The following PFKL variants were observed in gnomAD, a reference collection of about 807,000 sequenced individuals.
PFKL encodes ATP-dependent 6-phosphofructokinase, liver type.
Under a neutral mutation model 92.1 loss-of-function variants are expected in PFKL, and 74 were observed. That is an observed-to-expected ratio of 0.80 (90% CI 0.67 to 0.97). The LOEUF (loss-of-function observed/expected upper bound fraction) is 0.97. Ranked by LOEUF, PFKL falls within the 50% of genes least tolerant of loss-of-function variation. The probability of loss-of-function intolerance (pLI) is 0.00; values close to 1 mark genes in which losing one functional copy is unlikely to be tolerated. For synonymous variants in PFKL, 494 were observed against 456.4 expected (o/e 1.08, Z -1.05); for missense variants, 1,028 against 1,116.6 (o/e 0.92, Z 1.13).
In PFKL at chr21:44,312,141, T is replaced by A; in HGVS notation, c.274T>A (p.Phe92Ile). The change falls in exon 4 of 22, where the codon TTT becomes ATT. Residue 92 changes from phenylalanine to isoleucine, a missense_variant. Transcript: ENST00000349048. Reference protein sequence around the residue: ...TIIGSARCKAFTTREGRRAAA... With the variant: ...TIIGSARCKAITTREGRRAAA... ...CATTGGCAGCGCTCGCTGCAAGGCC[T>A]TTACCACCAGGGAGGGGCGCCGGGC... is the stretch of plus-strand genomic sequence containing the variant. The A allele has an allele frequency of 6.3e-7, 1 of 1,587,062 alleles. No individual in the cohort carries two copies. Among genetic ancestry groups the A allele is most frequent in the East Asian group, 2.3e-5 (1 of 42,866 alleles).
intron 1 of PFKL, 52 bp from the exon 2 acceptor site, chr21:44,306,629 C>A: frequency 6.7e-7 from 1 of 1,484,832 alleles, no homozygotes; most frequent in South Asian, 1.2e-5. Flanking sequence ...GGAGGGTGTC[C>A]AGGGCCTTGC....
At position 44,311,181 on chromosome 21, in the gene PFKL, C is replaced by T. The variant is rs868466389; in HGVS notation, c.237+98C>T. On this transcript the variant is annotated intron_variant, in intron 3 of 21. Transcript: ENST00000349048. ...ACAGACACACACACAGAGACAGACACGTGCACAAACACACACATGCAGACA... is the reference window on the plus strand; with the variant it reads ...ACAGACACACACACAGAGACAGACATGTGCACAAACACACACATGCAGACA... 99 of 859,584 alleles carry T rather than the reference C, an allele frequency of 1.2e-4. No homozygotes were observed. The Middle Eastern group carries it at 1.5e-3, about 13-fold the overall frequency. The allele number at this position is 859,584 out of a possible 1,614,324, so 53.2% of individuals were successfully genotyped here. A position where few individuals can be genotyped will look rare whatever the true frequency, so the allele number is the denominator to read the frequency against.
chr21:44,319,352 C>T lies in PFKL; in HGVS notation c.1064C>T (p.Thr355Ile). ...RLPLMECVQM[T>I]KEVQKAMDDK... is the part of the protein sequence containing the mutation. Reference sequence around the variant, plus strand: ...TGTGTTCTGTTTCTCTTCCTTAAGACCAAGGAAGTGCAGAAAGCCATGGAT... The same window carrying T: ...TGTGTTCTGTTTCTCTTCCTTAAGATCAAGGAAGTGCAGAAAGCCATGGAT... The change falls in exon 11 of 22, where the codon ACC becomes ATC. Residue 355 changes from threonine to isoleucine, a missense_variant and splice_region_variant. Transcript: ENST00000349048. 2 of 1,612,740 alleles carry T rather than the reference C, an allele frequency of 1.2e-6. No homozygotes were observed. Among genetic ancestry groups the T allele is most frequent in the Non-Finnish European group, 1.7e-6 (2 of 1,178,984 alleles).
At chr21:44,319,045 G>A (rs1455816792) in intron 10 of PFKL, among the ~76,000 whole-genome samples, 1 of 152,154 alleles carries the variant, frequency 6.6e-6, no homozygotes, top group African/African-American at 2.4e-5. Context: ...GGGTGTGGGG[G>A]CTGGTCCAGC....
rs56768770 is a variant in PFKL at position 44,323,063 on chromosome 21, ACGGACGAAAAAGCC to A, written c.1497+16_1497+29del. ...GGTGGGTTTGAGGTGAGAGCTGCCCACGGACGAAAAAGCCCCAGGGCACAGGAGACCCAAGGTGT... is the reference window on the plus strand; with the variant it reads ...GGTGGGTTTGAGGTGAGAGCTGCCCACCAGGGCACAGGAGACCCAAGGTGT... On this transcript the variant is annotated intron_variant, in intron 15 of 21. Coordinates refer to ENST00000349048, the MANE Select transcript of PFKL (RefSeq NM_002626.6). The A allele has an allele frequency of 0.19, 299,726 of 1,604,770 alleles. 29,547 individuals carry two copies. Among genetic ancestry groups the A allele is most frequent in the East Asian group, 0.39 (17,493 of 44,678 alleles).
At chr21:44,305,574 G>T (rs1169432805) in intron 1 of PFKL, among the ~76,000 whole-genome samples, 1 of 152,118 alleles carries the variant, frequency 6.6e-6, no homozygotes, top group Non-Finnish European at 1.5e-5. Context: ...GGTCCCAGGG[G>T]CAAGCACAAA....
rs774545030 is a variant in PFKL, at chr21:44,326,783, G to A, written c.2264G>A (p.Arg755His). Reference sequence around the variant, plus strand: ...ATGCTGAAGATGCTGGCACAATACCGCATCAGTATGGCCGCCTACGTGTCA... The same window carrying A: ...ATGCTGAAGATGCTGGCACAATACCACATCAGTATGGCCGCCTACGTGTCA... ...RLMLKMLAQY[R>H]ISMAAYVSGE... The change falls in exon 22 of 22, where the codon CGC (arginine) becomes CAC (histidine). Residue 755 changes from arginine (R) to histidine (H), a missense_variant. By Grantham distance (29) the Arg-to-His change is conservative. Transcript: ENST00000349048. 2.7e-5 allele frequency: 44 copies of A among 1,610,102 alleles called. No homozygotes were observed. The highest frequency in any genetic ancestry group is 6.7e-5 in the East Asian group (3 of 44,790).
At chr21:44,311,974 CG>C in intron 3 of PFKL, 130 bp from the exon 4 acceptor site, 1 of 670,594 alleles carries the variant, frequency 1.5e-6, no homozygotes, top group Non-Finnish European at 2.3e-6. Context: ...CCAGAGACCC[CG>C]GGGCTTCTGC....
At chr21:44,317,784 T>C (rs77222033) in intron 9 of PFKL, among the ~76,000 whole-genome samples, 1 of 152,222 alleles carries the variant, frequency 6.6e-6, no homozygotes, top group Non-Finnish European at 1.5e-5. Flanking sequence ...TCTCCGAGGC[T>C]GCTCCCTAAA....
intron 19 of PFKL, chr21:44,325,561 A>G (rs2047483104): frequency 1.9e-6 from 1 of 526,786 alleles, no homozygotes; most frequent in Admixed American, 3.2e-5. Context: ...CCTCACCTAG[A>G]TCCCCGCATG....
chr21:44,319,876 G>A, intron 11 of PFKL: 1 of 553,470 alleles, frequency 1.8e-6, no homozygotes. Flanking sequence ...TTGCTGCACG[G>A]GCTGGCGTGG....
At chr21:44,308,559 ATTTTTTTT>A (rs532812261) in intron 2 of PFKL, among the ~76,000 whole-genome samples, 3 of 133,624 alleles carry the variant, frequency 2.2e-5, no homozygotes, top group African/African-American at 8.5e-5. Context: ...GGGGGTAGGA[ATTTTTTTT>A]TTTTTTTTTT....
intron 1 of PFKL, among the ~76,000 whole-genome samples, chr21:44,304,943 C>A (rs1470939970): frequency 6.6e-6 from 1 of 152,116 alleles, no homozygotes; most frequent in Non-Finnish European, 1.5e-5. Context: ...GAGAAGCTGC[C>A]AGTGTGGGCA....
chr21:44,301,866 C>T (rs2040782921), intron 1 of PFKL, among the ~76,000 whole-genome samples: 1 of 151,566 alleles, frequency 6.6e-6, no homozygotes, highest in Non-Finnish European at 1.5e-5. Context: ...GTGGCACGTG[C>T]CCCCCCCACC....
chr21:44,316,618 C>A, intron 9 of PFKL, 94 bp downstream of exon 9: 1 of 906,968 alleles, frequency 1.1e-6, no homozygotes, highest in Non-Finnish European at 1.7e-6. Context: ...ATGGCACGTG[C>A]ACTGTGTCCA....
chr21:44,327,094 C>T lies in PFKL; in HGVS notation c.*232C>T, dbSNP rs996752602. On this transcript the variant is annotated 3_prime_UTR_variant, in exon 22 of 22. Coordinates refer to ENST00000349048, the MANE Select transcript of PFKL (RefSeq NM_002626.6). The stretch of plus-strand genomic sequence containing the variant: ...AGGAGGACAGAGTGCCCTGGGGCAT[C>T]CACCTTCCTGCCCAGGGGACGTGGC... 1.4e-5 allele frequency: 8 copies of T among 574,234 alleles called. No homozygotes were observed. The highest frequency in any genetic ancestry group is 3.0e-5 in the Admixed American group (1 of 33,058). 35.6% of individuals were successfully genotyped at this position (574,234 alleles called of 1,614,324 possible). A position where few individuals can be genotyped will look rare whatever the true frequency, so the allele number is the denominator to read the frequency against.
chr21:44,306,497 C>T (rs11909786), intron 1 of PFKL, among the ~76,000 whole-genome samples, 184 bp from the exon 2 acceptor site: 49,336 of 151,750 alleles, frequency 0.33, 8,400 homozygotes, highest in East Asian at 0.62. Flanking sequence ...GGAGGGCGTC[C>T]GGGCCTTCCC....
intron 1 of PFKL, chr21:44,304,512 G>A: frequency 7.9e-6 from 9 of 1,145,312 alleles, no homozygotes; most frequent in Non-Finnish European, 9.8e-6. Context: ...GAGGGACGGA[G>A]GCTTAGCTTC....
Position 44,312,149 on chromosome 21 carries a change from C to T in PFKL, c.282C>T (p.Thr94=). The T allele has an allele frequency of 1.9e-6, 3 of 1,589,338 alleles. No individual in the cohort carries two copies. The highest frequency in any genetic ancestry group is 2.7e-5 in the African/African-American group (2 of 73,662). ...IGSARCKAFT[T]REGRRAAAYN... ...GCGCTCGCTGCAAGGCCTTTACCACCAGGGAGGGGCGCCGGGCAGCGGCCT... is the reference window on the plus strand; with the variant it reads ...GCGCTCGCTGCAAGGCCTTTACCACTAGGGAGGGGCGCCGGGCAGCGGCCT... Residue 94 remains threonine, a synonymous_variant, in exon 4 of 22, where the codon ACC becomes ACT. Coordinates refer to ENST00000349048, the MANE Select transcript of PFKL (RefSeq NM_002626.6).
Sources: gnomAD v4.1 joint callset for allele counts (sites outside exome capture counted in the v4.1 genomes callset) on GRCh38, gnomAD v4.1.1 for gene constraint, MANE v1.5 for transcripts, NCBI Gene and HGNC (gene_info 2026-07-23, HGNC 2026-07-21) for gene names.